SLC35E1: variants seen among roughly 807,000 people sequenced by gnomAD.
The protein encoded by SLC35E1 is solute carrier family 35 member E1.
A neutral mutation model predicts 31.0 loss-of-function variants in SLC35E1; 12 were observed. The ratio of observed to expected loss-of-function variants is 0.39; its 90% CI spans 0.25 to 0.63. SLC35E1 has a LOEUF of 0.63. SLC35E1 is among the 20% of genes least tolerant of loss of function. The probability of loss-of-function intolerance (pLI) is 0.52; values close to 1 mark genes in which losing one functional copy is unlikely to be tolerated. For synonymous variants in SLC35E1, 257 were observed against 264.1 expected, an observed-to-expected ratio of 0.97 and a Z score of 0.26; for missense variants, 429 against 572.2, an observed-to-expected ratio of 0.75 and a Z score of 2.55.
At position 16,560,790 on chromosome 19, in the gene SLC35E1, A is replaced by C. The variant is rs1291205949; in HGVS notation, c.757-5393T>G. Among the ~76,000 whole-genome samples, 4 of 135,344 alleles carry C rather than the reference A, an allele frequency of 3.0e-5. No individual in the cohort carries two copies. In the Admixed American group the frequency reaches 3.3e-4, roughly 11 times the overall value. The allele number at this position is 135,344 out of a possible 152,430, so 88.8% of individuals were successfully genotyped here. ...GGTGGGAGAATCACTTGAACCTGGG[A>C]GGTGGAGGTTAGAGTAAGCTAAGAT... On this transcript the variant is annotated intron_variant, in intron 4 of 5. Coordinates refer to ENST00000595753, the MANE Select transcript of SLC35E1 (RefSeq NM_024881.5).
chr19:16,568,639 T>C (rs1444801874), intron 2 of SLC35E1, among the ~76,000 whole-genome samples: 2 of 152,188 alleles, frequency 1.3e-5, no homozygotes, highest in Non-Finnish European at 2.9e-5. Context: ...CAAGCGATTC[T>C]CCTGCCTCAG....
In SLC35E1 at chr19:16,553,692, C is replaced by T. The variant is rs779242527; in HGVS notation, c.1220G>A (p.Arg407His). The change falls in exon 6 of 6, where the codon CGC becomes CAC. Residue 407 changes from arginine to histidine, a missense_variant. Coordinates refer to ENST00000595753, the MANE Select transcript of SLC35E1 (RefSeq NM_024881.5). ...QSYPNSYSLNRYDV is the reference protein window; with the variant it reads ...QSYPNSYSLNHYDV ...GTCCTTTGGACTCTACACATCATAG[C>T]GGTTCAAACTGTACGAGTTTGGGTA... 10 of 1,561,658 alleles carry T rather than the reference C, an allele frequency of 6.4e-6. No homozygotes were observed. The highest frequency in any genetic ancestry group is 2.4e-5 in the South Asian group (2 of 82,888).
intron 4 of SLC35E1, among the ~76,000 whole-genome samples, chr19:16,564,498 G>A (rs1010884182): frequency 6.6e-6 from 1 of 152,018 alleles, no homozygotes; most frequent in African/African-American, 2.4e-5. Context: ...TAGAGATGGG[G>A]TTTCACCACG....
intron 3 of SLC35E1, among the ~76,000 whole-genome samples, chr19:16,567,093 A>C (rs2085936062): frequency 6.6e-6 from 1 of 152,232 alleles, no homozygotes; most frequent in Non-Finnish European, 1.5e-5. Context: ...TCTACATTAC[A>C]ATGAAAAGTT....
chr19:16,564,901 T>C (rs561560607), intron 4 of SLC35E1: 4 of 313,716 alleles, frequency 1.3e-5, no homozygotes, highest in South Asian at 1.0e-4. Context: ...AAACGAAAGT[T>C]AGAAAAGTGA....
chr19:16,558,769 G>GT lies in SLC35E1; in HGVS notation c.757-3373dup, dbSNP rs560656652. ...TTCCGCTTTTCAGTCCATCCCTTGA[G>GT]TTTTTTTTTTTTTTTTTTGAGATGG... On this transcript the variant is annotated intron_variant, in intron 4 of 5. Transcript: ENST00000595753. Among the ~76,000 whole-genome samples, 787 of 130,914 alleles carry GT rather than the reference G, an allele frequency of 6.0e-3. 6 individuals carry two copies. The highest frequency in any genetic ancestry group is 6.6e-3 in the African/African-American group (236 of 35,534). 85.9% of individuals were successfully genotyped at this position (130,914 alleles called of 152,430 possible). A position where few individuals can be genotyped will look rare whatever the true frequency, so the allele number is the denominator to read the frequency against.
Position 16,553,929 on chromosome 19 carries a change from A to C in SLC35E1, c.1003-20T>G. On this transcript the variant is annotated intron_variant, in intron 5 of 5. Transcript: ENST00000595753. ...CTTGGTCTGTGCCAGAAAGAGAGCA[A>C]TGAGACAGGACATGCCCGGGGCATA... The C allele has an allele frequency of 6.4e-7, 1 of 1,572,960 alleles. No homozygotes were observed. The highest frequency in any genetic ancestry group is 8.7e-7 in the Non-Finnish European group (1 of 1,156,026).
rs934793426 is a variant in SLC35E1 at position 16,551,004 on chromosome 19, C to T, written c.*2675G>A. ...GATTTCAGGAAGCCTGAATGGAGGT[C>T]GAATTCATTTTGGAGTTCAATAATA... On this transcript the variant is annotated 3_prime_UTR_variant, in exon 6 of 6. Transcript: ENST00000595753. The T allele has an allele frequency of 4.6e-5, 7 of 152,166 alleles. No homozygotes were observed. The highest frequency in any genetic ancestry group is 3.9e-4 in the Admixed American group (6 of 15,264). The allele number at this position is 152,166 out of a possible 1,614,324, so 9.4% of individuals were successfully genotyped here.
intron 4 of SLC35E1, among the ~76,000 whole-genome samples, chr19:16,558,920 C>A (rs1363891729): frequency 6.6e-6 from 1 of 151,420 alleles, no homozygotes; most frequent in African/African-American, 2.4e-5. Context: ...CAGGCACGTG[C>A]CACCACGCCC....
chr19:16,556,291 G>C (rs2085874753), intron 4 of SLC35E1, among the ~76,000 whole-genome samples: 1 of 148,028 alleles, frequency 6.8e-6, no homozygotes, highest in Admixed American at 6.8e-5. Context: ...GGAGGCTAAG[G>C]AAAAAAAATC....
At chr19:16,566,745 GGACATTAACCCT>G in intron 3 of SLC35E1, 88 bp from the exon 4 acceptor site, 1 of 1,491,408 alleles carries the variant, frequency 6.7e-7, no homozygotes, top group Admixed American at 2.0e-5. Flanking sequence ...CACAGTGACT[GGACATTAACCCT>G]GACATCTGAG....
chr19:16,572,357 G>T lies in SLC35E1; in HGVS notation c.8C>A (p.Ala3Glu). Residue 3 changes from alanine (A) to glutamate (E), a missense_variant, in exon 1 of 6, where the codon GCG (alanine) becomes GAG (glutamate). Physicochemically the swap from Ala to Glu is moderately radical, Grantham distance 107 (BLOSUM62 -1). Coordinates refer to ENST00000595753, the MANE Select transcript of SLC35E1 (RefSeq NM_024881.5). The surrounding 1 kb of genome is among the most constrained non-coding windows in gnomAD (Gnocchi z 4.1). MA[A>E]AAVGAGHGAG... is the part of the protein sequence containing the mutation. ...GCCGTGGCCCGCGCCCACCGCGGCC[G>T]CCGCCATCCTGCCCGAGCGGCCGCC... The T allele has an allele frequency of 9.7e-7, 1 of 1,026,000 alleles. No individual in the cohort carries two copies. 63.6% of individuals were successfully genotyped at this position (1,026,000 alleles called of 1,614,324 possible).
Position 16,568,151 on chromosome 19 carries a change from G to C in SLC35E1, c.511C>G (p.Pro171Ala), listed in dbSNP as rs745802741. 3 of 1,612,188 alleles carry C rather than the reference G, an allele frequency of 1.9e-6. No individual in the cohort carries two copies. The highest frequency in any genetic ancestry group is 2.5e-6 in the Non-Finnish European group (3 of 1,179,378). ...GCCAGCAGGACACCGCTGATGATGG[G>C]GATGAGTGACAAGTATACCTGCAGG... ...QSTKVYLSLI[P>A]IISGVLLATV... The change falls in exon 3 of 6, where the codon CCC (proline) becomes GCC (alanine). Residue 171 changes from proline (P) to alanine (A), a missense_variant. By Grantham distance (27) the Pro-to-Ala change is conservative. Coordinates refer to ENST00000595753, the MANE Select transcript of SLC35E1 (RefSeq NM_024881.5).
rs1311802837 is a variant in SLC35E1 at position 16,566,509 on chromosome 19, G to A, written c.756+23C>T. 6.8e-6 allele frequency: 11 copies of A among 1,612,000 alleles called. No homozygotes were observed. The East Asian group carries it at 2.5e-4, about 36-fold the overall frequency. ...CTGGAACTAGCCAAGAAAATGGCGT[G>A]TTCTTGGTGCTGTACAACTCACCAA... On this transcript the variant is annotated intron_variant, in intron 4 of 5. Coordinates refer to ENST00000595753, the MANE Select transcript of SLC35E1 (RefSeq NM_024881.5).
intron 4 of SLC35E1, among the ~76,000 whole-genome samples, chr19:16,556,174 C>T (rs1436265899): frequency 1.3e-5 from 2 of 151,946 alleles, no homozygotes; most frequent in African/African-American, 4.8e-5. Flanking sequence ...GATTGCACCA[C>T]TGCACTCCAG....
intron 2 of SLC35E1, 87 bp downstream of exon 2, chr19:16,571,425 G>T: frequency 1.4e-6 from 2 of 1,421,818 alleles, no homozygotes; most frequent in East Asian, 2.3e-5. Flanking sequence ...GCAGCCTGCA[G>T]ACCAGGATCC....
rs1255216463 is a variant in SLC35E1 at position 16,568,103 on chromosome 19, C to T, written c.559G>A (p.Asp187Asn). ...LLATVTELSF[D>N]MWGLVSALAA... ...AGGGCGCTGACGAGTCCCCACATGT[C>T]AAAAGACAACTCGGTGACGGTGGCC... is the stretch of plus-strand genomic sequence containing the variant. Residue 187 changes from aspartate to asparagine, a missense_variant, in exon 3 of 6, where the codon GAC (aspartate) becomes AAC (asparagine). Coordinates refer to ENST00000595753, the MANE Select transcript of SLC35E1 (RefSeq NM_024881.5). 1 of 1,613,642 alleles carries T rather than the reference C, an allele frequency of 6.2e-7. No homozygotes were observed. The highest frequency in any genetic ancestry group is 1.3e-5 in the African/African-American group (1 of 74,918).
At chr19:16,560,728 G>T (rs982375992) in intron 4 of SLC35E1, among the ~76,000 whole-genome samples, 18 of 150,408 alleles carry the variant, frequency 1.2e-4, no homozygotes. Context: ...CAGGAGTGGT[G>T]GTGCGCGCCT....
chr19:16,559,463 TACACACACACACACACACACACACAC>T (rs61643316), intron 4 of SLC35E1, among the ~76,000 whole-genome samples: 4 of 142,304 alleles, frequency 2.8e-5, no homozygotes, highest in South Asian at 2.3e-4. Context: ...CTACAAAAAA[TACACACACACACACACACACACACAC>T]ACACACACAC....
Sources: allele counts gnomAD v4.1 joint callset (sites outside exome capture counted in the v4.1 genomes callset), GRCh38; gene constraint gnomAD v4.1.1; non-coding constraint Gnocchi (gnomAD v3.1); transcripts MANE v1.5; gene names NCBI Gene and HGNC (gene_info 2026-07-23, HGNC 2026-07-21).